The following RBFOX1 variants were observed in gnomAD, a reference collection of about 807,000 sequenced individuals.
The protein encoded by RBFOX1 is RNA binding protein fox-1 homolog 1.
Under a neutral mutation model 57.7 loss-of-function variants are expected in RBFOX1, and 8 were observed. The ratio of observed to expected loss-of-function variants is 0.14; its 90% CI spans 0.08 to 0.25. RBFOX1 has a LOEUF of 0.25. Ranked by LOEUF, RBFOX1 falls within the 10% of genes least tolerant of loss-of-function variation. The probability of loss-of-function intolerance (pLI) is 1.00; values close to 1 mark genes in which losing one functional copy is unlikely to be tolerated. For synonymous variants in RBFOX1, 326 were observed against 222.4 expected (o/e 1.47, Z -4.15); for missense variants, 611 against 548.5 (o/e 1.11, Z -1.14).
intron 1 of RBFOX1, among the ~76,000 whole-genome samples, chr16:5,358,399 A>AT (rs1005916891): frequency 2.6e-5 from 4 of 152,084 alleles, no homozygotes; most frequent in African/African-American, 9.7e-5. Flanking sequence ...TGCATTTAAA[A>AT]TTTTTTAAAA....
At chr16:6,386,511 C>T (rs1158614635) in intron 2 of RBFOX1, among the ~76,000 whole-genome samples, 1 of 152,116 alleles carries the variant, frequency 6.6e-6, no homozygotes, top group Admixed American at 6.5e-5. Flanking sequence ...AAACATGATT[C>T]CTGCACCTTT....
At chr16:6,236,966 G>T (rs1316915056) in intron 1 of RBFOX1, among the ~76,000 whole-genome samples, 1 of 152,110 alleles carries the variant, frequency 6.6e-6, no homozygotes, top group Non-Finnish European at 1.5e-5. Context: ...CCCCATTGTA[G>T]GTCACAATAT....
At chr16:7,681,681 T>C (rs1244944140) in intron 14 of RBFOX1, among the ~76,000 whole-genome samples, 1 of 152,146 alleles carries the variant, frequency 6.6e-6, no homozygotes, top group Non-Finnish European at 1.5e-5. Context: ...AGGTTAATTT[T>C]TTAAGAAGAT....
At chr16:7,341,656 A>G (rs532820901) in intron 4 of RBFOX1, among the ~76,000 whole-genome samples, 1 of 152,156 alleles carries the variant, frequency 6.6e-6, no homozygotes, top group African/African-American at 2.4e-5. Flanking sequence ...ACTCCAAATG[A>G]CAGAGTTCCT....
intron 2 of RBFOX1, among the ~76,000 whole-genome samples, chr16:5,589,056 A>G (rs1196725210): frequency 6.6e-6 from 1 of 152,182 alleles, no homozygotes; most frequent in African/African-American, 2.4e-5. Flanking sequence ...TCCATCAGGG[A>G]TGGCAGGGCC....
intron 3 of RBFOX1, among the ~76,000 whole-genome samples, chr16:6,756,183 C>G (rs532325139): frequency 6.6e-4 from 101 of 152,182 alleles, no homozygotes; most frequent in South Asian, 4.8e-3. Context: ...TACCATTTAC[C>G]TATAACTGGA....
At chr16:6,429,452 T>G (rs942988267) in intron 2 of RBFOX1, among the ~76,000 whole-genome samples, 3 of 152,222 alleles carry the variant, frequency 2.0e-5, no homozygotes, top group African/African-American at 7.2e-5. Context: ...GGCCCTGGTA[T>G]TTTCTCAGGT....
intron 2 of RBFOX1, among the ~76,000 whole-genome samples, chr16:6,492,922 G>T (rs762291414): frequency 6.6e-6 from 1 of 152,176 alleles, no homozygotes; most frequent in Non-Finnish European, 1.5e-5. Context: ...AGATAATGAA[G>T]GGACTATAAA....
chr16:6,929,230 C>G (rs959242320), intron 3 of RBFOX1, among the ~76,000 whole-genome samples: 10 of 152,074 alleles, frequency 6.6e-5, no homozygotes, highest in Admixed American at 2.6e-4. Flanking sequence ...TGGATCCTAC[C>G]CTTTATGACA....
Position 6,655,373 on chromosome 16 carries a change from C to CAAA in RBFOX1, c.-16+751_-16+753dup, listed in dbSNP as rs71406388. Reference sequence around the variant, plus strand: ...TGAGTGACAAAATAAGCCTCCGTTTCAAAAAAAAAAAAAAAAAAAAAAAAA... The same window carrying CAAA: ...TGAGTGACAAAATAAGCCTCCGTTTCAAAAAAAAAAAAAAAAAAAAAAAAAAAA... On this transcript the variant is annotated intron_variant, in intron 3 of 15. Coordinates refer to ENST00000550418, the MANE Select transcript of RBFOX1 (RefSeq NM_018723.4). 7.8e-3 allele frequency among the ~76,000 whole-genome samples: 263 copies of CAAA among 33,724 alleles called. 40 individuals are homozygous for CAAA. Among genetic ancestry groups the CAAA allele is most frequent in the Non-Finnish European group, 0.01 (180 of 17,634 alleles). The allele number at this position is 33,724 out of a possible 152,430, so 22.1% of individuals were successfully genotyped here.
intron 4 of RBFOX1, among the ~76,000 whole-genome samples, chr16:7,192,829 T>C (rs1340226156): frequency 6.6e-6 from 1 of 152,164 alleles, no homozygotes; most frequent in African/African-American, 2.4e-5. Flanking sequence ...AATTGGAACA[T>C]ACAAAACACA....
chr16:7,645,558 G>C (rs1489125114), intron 11 of RBFOX1, among the ~76,000 whole-genome samples: 1 of 152,194 alleles, frequency 6.6e-6, no homozygotes, highest in East Asian at 1.9e-4. Flanking sequence ...AGAAACAAAT[G>C]AGCAGAGATT....
intron 4 of RBFOX1, among the ~76,000 whole-genome samples, chr16:7,306,819 G>A (rs978951997): frequency 3.9e-5 from 6 of 152,152 alleles, no homozygotes; most frequent in Non-Finnish European, 5.9e-5. Context: ...CCAGACAATC[G>A]GCTGATTAAG....
rs377195259 is a variant in RBFOX1, at chr16:6,702,429, C to T, written c.-16+47779C>T. Among the ~76,000 whole-genome samples the T allele has an allele frequency of 8.5e-5, 13 of 152,276 alleles. 1 individual carries two copies. The East Asian group carries it at 2.1e-3, about 25-fold the overall frequency. ...ATCTGCCTGGCGTGCTGGCATATGC[C>T]TGTAATCCCAGCTACTTGGGAGGCT... is the stretch of plus-strand genomic sequence containing the variant. On this transcript the variant is annotated intron_variant, in intron 3 of 15. Coordinates refer to ENST00000550418, the MANE Select transcript of RBFOX1 (RefSeq NM_018723.4).
chr16:6,959,673 A>C (rs2082559970), intron 3 of RBFOX1, among the ~76,000 whole-genome samples: 1 of 152,146 alleles, frequency 6.6e-6, no homozygotes. Flanking sequence ...GTAATGGCTC[A>C]CATCTGTAAT....
intron 1 of RBFOX1, among the ~76,000 whole-genome samples, chr16:6,119,480 C>G (rs752673548): frequency 3.1e-4 from 47 of 152,158 alleles, no homozygotes; most frequent in Non-Finnish European, 5.6e-4. Flanking sequence ...AACCTTTGAA[C>G]TTAAAAGTAC....
intron 2 of RBFOX1, among the ~76,000 whole-genome samples, chr16:5,475,729 A>G (rs879395979): frequency 2.6e-5 from 4 of 152,238 alleles, no homozygotes; most frequent in Non-Finnish European, 5.9e-5. Context: ...TTGAGGTTTC[A>G]TAAGATGCCT....
intron 3 of RBFOX1, among the ~76,000 whole-genome samples, chr16:6,764,082 G>C (rs554052537): frequency 1.3e-5 from 2 of 152,328 alleles, no homozygotes; most frequent in South Asian, 2.1e-4. Context: ...CTCATAACGT[G>C]ATCTTAAAGG....
At chr16:6,981,303 TC>T (rs2088790303) in intron 3 of RBFOX1, among the ~76,000 whole-genome samples, 1 of 151,996 alleles carries the variant, frequency 6.6e-6, no homozygotes, top group South Asian at 2.1e-4. Context: ...CTGTGTTTTG[TC>T]CCCCTCTATG....
Sources: gnomAD v4.1 joint callset for allele counts (sites outside exome capture counted in the v4.1 genomes callset) on GRCh38, gnomAD v4.1.1 for gene constraint, MANE v1.5 for transcripts, NCBI Gene and HGNC (gene_info 2026-07-23, HGNC 2026-07-21) for gene names.